ATP10D: variants seen among roughly 807,000 people sequenced by gnomAD.
ATP10D encodes the protein phospholipid-transporting ATPase VD.
Under a neutral mutation model 144.8 loss-of-function variants are expected in ATP10D, and 89 were observed. The observed-to-expected ratio is 0.61, with a 90% CI of 0.52 to 0.73. The LOEUF is 0.73. ATP10D is among the 30% of genes least tolerant of loss of function. The probability of loss-of-function intolerance (pLI) is 0.00; values close to 1 mark genes in which losing one functional copy is unlikely to be tolerated. For synonymous variants in ATP10D, 571 were observed against 615.1 expected (o/e 0.93, Z 1.06); for missense variants, 1,603 against 1,714.8 (o/e 0.93, Z 1.15).
At chr4:47,533,180 T>C (rs1310532844) in intron 5 of ATP10D, among the ~76,000 whole-genome samples, 1 of 151,272 alleles carries the variant, frequency 6.6e-6, no homozygotes, top group East Asian at 1.9e-4. Context: ...AATTCTTTCC[T>C]ATAAGGACTC....
intron 10 of ATP10D, among the ~76,000 whole-genome samples, chr4:47,548,468 T>C (rs1718554972): frequency 6.6e-6 from 1 of 152,206 alleles, no homozygotes; most frequent in African/African-American, 2.4e-5. Context: ...ATTGGTCTTA[T>C]TTCTGCCTCT....
rs867726201 is a variant in ATP10D, at chr4:47,525,789, A to G, written c.776+147A>G. ...GCCACCTACTAAAATAGTTTGGCTT[A>G]TTTTAATTATTTAATAAGTATTTAT... On this transcript the variant is annotated intron_variant, in intron 5 of 22. Transcript: ENST00000273859. The G allele has an allele frequency of 4.8e-5, 30 of 620,962 alleles. 1 individual carries two copies. In the Middle Eastern group the frequency reaches 5.1e-3, roughly 107 times the overall value. The allele number at this position is 620,962 out of a possible 1,614,324, so 38.5% of individuals were successfully genotyped here.
intron 1 of ATP10D, among the ~76,000 whole-genome samples, chr4:47,486,050 A>G (rs1714741590): frequency 6.6e-6 from 1 of 152,178 alleles, no homozygotes. Flanking sequence ...AGGAAGAAAA[A>G]GGTGTTTGTA....
chr4:47,567,328 T>C (rs1466150793), intron 15 of ATP10D, among the ~76,000 whole-genome samples: 1 of 152,186 alleles, frequency 6.6e-6, no homozygotes, highest in African/African-American at 2.4e-5. Flanking sequence ...AATAGTTAAT[T>C]TGTAAAACCT....
intron 21 of ATP10D, among the ~76,000 whole-genome samples, chr4:47,584,714 T>G (rs1237316329): frequency 6.6e-6 from 1 of 151,872 alleles, no homozygotes; most frequent in Non-Finnish European, 1.5e-5. Context: ...TTTTAAGAGA[T>G]AAAAAATTGG....
intron 19 of ATP10D, among the ~76,000 whole-genome samples, chr4:47,579,498 G>T (rs1720404004): frequency 4.6e-5 from 7 of 152,154 alleles, no homozygotes; most frequent in Admixed American, 4.6e-4. Flanking sequence ...AGACTGGTTT[G>T]GTGTGCCTGT....
chr4:47,557,178 A>G (rs896305612), intron 11 of ATP10D, among the ~76,000 whole-genome samples: 1 of 151,954 alleles, frequency 6.6e-6, no homozygotes, highest in Non-Finnish European at 1.5e-5. Flanking sequence ...ACATTTCAAG[A>G]TGTGTCTATT....
intron 1 of ATP10D, among the ~76,000 whole-genome samples, chr4:47,496,026 C>T (rs919944710): frequency 2.0e-5 from 3 of 152,076 alleles, no homozygotes; most frequent in Non-Finnish European, 4.4e-5. Flanking sequence ...TGTGAGCCAC[C>T]ATGCCCAGCC....
At chr4:47,531,210 A>G (rs1295159972) in intron 5 of ATP10D, among the ~76,000 whole-genome samples, 2 of 152,184 alleles carry the variant, frequency 1.3e-5, no homozygotes, top group Admixed American at 6.5e-5. Flanking sequence ...TCAGGATTCC[A>G]TAGCATCTGT....
chr4:47,496,835 G>T (rs987687671), intron 1 of ATP10D, among the ~76,000 whole-genome samples: 2 of 151,678 alleles, frequency 1.3e-5, no homozygotes, highest in African/African-American at 4.8e-5. Flanking sequence ...TATCTTATAA[G>T]ATATTAATTA....
chr4:47,496,156 C>CTTTTTTTTT (rs5858072), intron 1 of ATP10D, among the ~76,000 whole-genome samples: 5 of 132,884 alleles, frequency 3.8e-5, no homozygotes, highest in African/African-American at 8.6e-5. Flanking sequence ...TTTCCTTTTT[C>CTTTTTTTTT]TTTTTTTTTT....
intron 19 of ATP10D, among the ~76,000 whole-genome samples, chr4:47,578,789 GA>G (rs1387465376): frequency 6.6e-6 from 1 of 152,140 alleles, no homozygotes; most frequent in Non-Finnish European, 1.5e-5. Context: ...AAGATACAGA[GA>G]AAAGTGGACT....
intron 9 of ATP10D, among the ~76,000 whole-genome samples, chr4:47,542,798 C>T (rs1718221044): frequency 6.6e-6 from 1 of 152,118 alleles, no homozygotes; most frequent in Non-Finnish European, 1.5e-5. Flanking sequence ...TTCATAGCTT[C>T]CACAAAATGA....
At chr4:47,565,189 T>C (rs2109456280) in intron 15 of ATP10D, among the ~76,000 whole-genome samples, 1 of 152,266 alleles carries the variant, frequency 6.6e-6, no homozygotes, top group South Asian at 2.1e-4. Flanking sequence ...CTCGACCTCC[T>C]GACCTCGTGA....
At position 47,574,334 on chromosome 4, in the gene ATP10D, A is replaced by G. The variant is rs144517132; in HGVS notation, c.3366+1337A>G. Among the ~76,000 whole-genome samples the G allele has an allele frequency of 5.5e-4, 84 of 152,336 alleles. No homozygotes were observed. In the East Asian group the frequency reaches 0.016, roughly 29 times the overall value. On this transcript the variant is annotated intron_variant, in intron 18 of 22. Coordinates refer to ENST00000273859, the MANE Select transcript of ATP10D (RefSeq NM_020453.4). ...CTCTATAATCCTTGAGTGGCCATTC[A>G]TACTGATAATCTCCAGACTTAATTG...
intron 4 of ATP10D, among the ~76,000 whole-genome samples, chr4:47,524,327 T>A (rs1033733457): frequency 7.2e-5 from 11 of 152,150 alleles, no homozygotes; most frequent in African/African-American, 2.7e-4. Flanking sequence ...TTATCTTTGG[T>A]AAATTTCATC....
intron 10 of ATP10D, among the ~76,000 whole-genome samples, chr4:47,550,576 G>A (rs1390838423): frequency 3.3e-5 from 5 of 152,162 alleles, no homozygotes; most frequent in Admixed American, 1.3e-4. Context: ...ATGGTGGCAA[G>A]CCTCGTGTTC....
At chr4:47,589,427 C>A (rs1279720353) in intron 22 of ATP10D, among the ~76,000 whole-genome samples, 1 of 152,054 alleles carries the variant, frequency 6.6e-6, no homozygotes, top group Non-Finnish European at 1.5e-5. Flanking sequence ...GGATAATGGG[C>A]AGAGGCAGGA....
chr4:47,535,786 A>C, intron 6 of ATP10D, 116 bp from the exon 7 acceptor site: 1 of 1,367,466 alleles, frequency 7.3e-7, no homozygotes, highest in Non-Finnish European at 9.8e-7. Context: ...TGAACTGACA[A>C]AATAGATCAT....
Sources: allele counts gnomAD v4.1 joint callset (sites outside exome capture counted in the v4.1 genomes callset), GRCh38; gene constraint gnomAD v4.1.1; transcripts MANE v1.5; gene names NCBI Gene and HGNC (gene_info 2026-07-23, HGNC 2026-07-21).